NEMP2: variants seen among roughly 807,000 people sequenced by gnomAD.
NEMP2 encodes the protein nuclear envelope integral membrane protein 2, also known as UPF0571 transmembrane protein.
A neutral mutation model predicts 54.2 loss-of-function variants in NEMP2; 53 were observed. The ratio of observed to expected loss-of-function variants is 0.98; its 90% CI spans 0.78 to 1.23. NEMP2 has a LOEUF of 1.23. Ranked by LOEUF, NEMP2 falls within the 50% of genes most tolerant of loss-of-function variation. NEMP2 has a pLI of 0.00. For synonymous variants in NEMP2, 197 were observed against 190.3 expected (o/e 1.04, Z -0.29); for missense variants, 455 against 511.3 (o/e 0.89, Z 1.06).
At chr2:190,587,173 C>T in the NEMP2 span, among the ~76,000 whole-genome samples, 2 of 152,326 alleles carry the variant, frequency 1.3e-5, no homozygotes, top group South Asian at 2.1e-4. The surrounding 1 kb of genome is among the most constrained non-coding windows in gnomAD (Gnocchi z 5.4). Context: ...GTGAGCAAAG[C>T]ACCAACTTGC....
chr2:190,616,127 A>G, the NEMP2 span, among the ~76,000 whole-genome samples: 4 of 152,226 alleles, frequency 2.6e-5, no homozygotes, highest in African/African-American at 9.6e-5. This position sits in a 1 kb window ranked among gnomAD's most constrained non-coding sequence, Gnocchi z 5.1. Flanking sequence ...ACCTGAGACA[A>G]TGAGCAGCAG....
At chr2:190,555,602 C>T in the NEMP2 span, among the ~76,000 whole-genome samples, 16 of 151,374 alleles carry the variant, frequency 1.1e-4, no homozygotes, top group Admixed American at 3.9e-4. The surrounding 1 kb of genome is among the most constrained non-coding windows in gnomAD (Gnocchi z 4.8). Context: ...TGAAATAAAG[C>T]GAGAAGACAT....
the NEMP2 span, among the ~76,000 whole-genome samples, chr2:190,554,262 T>G: frequency 2.0e-5 from 3 of 151,968 alleles, no homozygotes; most frequent in Non-Finnish European, 4.4e-5. This position sits in a 1 kb window ranked among gnomAD's most constrained non-coding sequence, Gnocchi z 5.7. Context: ...CCGCAGGAGT[T>G]TTTTTTTCAT....
chr2:190,588,479 G>A, the NEMP2 span, among the ~76,000 whole-genome samples: 1 of 152,098 alleles, frequency 6.6e-6, no homozygotes, highest in Non-Finnish European at 1.5e-5. The surrounding 1 kb of genome is among the most constrained non-coding windows in gnomAD (Gnocchi z 5.0). Flanking sequence ...GGGGAATCTT[G>A]GAGAGAGAAT....
chr2:190,431,414 C>T, the NEMP2 span, among the ~76,000 whole-genome samples: 2 of 152,244 alleles, frequency 1.3e-5, no homozygotes, highest in Admixed American at 1.3e-4. The surrounding 1 kb of genome is among the most constrained non-coding windows in gnomAD (Gnocchi z 4.4). Flanking sequence ...GCCTGGGCAC[C>T]ATTGATCACT....
At chr2:190,481,357 T>A in the NEMP2 span, among the ~76,000 whole-genome samples, 1 of 152,252 alleles carries the variant, frequency 6.6e-6, no homozygotes, top group African/African-American at 2.4e-5. Flanking sequence ...TTTTATTTCC[T>A]CTGTCCACTT....
At chr2:190,448,329 C>T in the NEMP2 span, among the ~76,000 whole-genome samples, 1 of 152,192 alleles carries the variant, frequency 6.6e-6, no homozygotes, top group Non-Finnish European at 1.5e-5. Context: ...TGGAGAAACT[C>T]ATACACATGC....
chr2:190,436,692 C>T, the NEMP2 span: 1 of 1,614,232 alleles, frequency 6.2e-7, no homozygotes. This position sits in a 1 kb window ranked among gnomAD's most constrained non-coding sequence, Gnocchi z 5.3. Context: ...CAAACATGAA[C>T]AGTGAACCCA....
the NEMP2 span, among the ~76,000 whole-genome samples, chr2:190,441,287 T>C: frequency 6.6e-4 from 101 of 152,116 alleles, 2 homozygotes; most frequent in East Asian, 0.011. Context: ...GGTTCTCAAC[T>C]CACCAAGAGA....
chr2:190,591,759 T>C, the NEMP2 span, among the ~76,000 whole-genome samples: 1 of 152,182 alleles, frequency 6.6e-6, no homozygotes, highest in Non-Finnish European at 1.5e-5. This position sits in a 1 kb window ranked among gnomAD's most constrained non-coding sequence, Gnocchi z 5.4. Flanking sequence ...AAAATTGCCA[T>C]GGCCAGCAGG....
At chr2:190,503,312 C>T (rs549193802), downstream of NEMP2, among the ~76,000 whole-genome samples, 30 of 152,292 alleles carry the variant, frequency 2.0e-4, 1 homozygote, top group South Asian at 4.4e-3. This position sits in a 1 kb window ranked among gnomAD's most constrained non-coding sequence, Gnocchi z 6.3. Context: ...CTGTACTGTC[C>T]GGTAGGACTT....
the NEMP2 span, among the ~76,000 whole-genome samples, chr2:190,552,398 C>T: frequency 1.4e-4 from 22 of 152,134 alleles, no homozygotes; most frequent in African/African-American, 5.1e-4. Flanking sequence ...TATACTGCTG[C>T]CACTGTCATC....
rs1224335284 is a variant in NEMP2, at chr2:190,510,798, G to A, written c.954-261C>T. 4.0e-5 allele frequency among the ~76,000 whole-genome samples: 6 copies of A among 151,428 alleles called. No homozygotes were observed. Among genetic ancestry groups the A allele is most frequent in the South Asian group, 2.1e-4 (1 of 4,790 alleles). On this transcript the variant is annotated intron_variant, in intron 7 of 8. Coordinates refer to ENST00000409150, the MANE Select transcript of NEMP2 (RefSeq NM_001142645.2). This position sits in a 1 kb window ranked among gnomAD's most constrained non-coding sequence, Gnocchi z 5.7. ...TGGGAGGCTGAGGCAGGAGAATGGC[G>A]TGAACCTGGGAGGCAGAGGTTGCAG... is the stretch of plus-strand genomic sequence containing the variant.
At chr2:190,621,547 T>G in the NEMP2 span, among the ~76,000 whole-genome samples, 1 of 151,958 alleles carries the variant, frequency 6.6e-6, no homozygotes, top group Non-Finnish European at 1.5e-5. Context: ...CTCCCCAAAT[T>G]GACCTATATA....
At chr2:190,489,733 G>A in the NEMP2 span, 1 of 1,577,488 alleles carries the variant, frequency 6.3e-7, no homozygotes, top group Admixed American at 1.7e-5. The surrounding 1 kb of genome is among the most constrained non-coding windows in gnomAD (Gnocchi z 6.6). Flanking sequence ...TGCATTTCTT[G>A]GAATTACTCT....
chr2:190,552,913 G>T, the NEMP2 span, among the ~76,000 whole-genome samples: 3 of 151,964 alleles, frequency 2.0e-5, no homozygotes, highest in Non-Finnish European at 2.9e-5. Context: ...TGCTGGTATG[G>T]TTAAAGAGAG....
rs4641969 is a variant in NEMP2 at position 190,531,530 on chromosome 2, T to C, written c.97+3029A>G. On this transcript the variant is annotated intron_variant, in intron 1 of 8. Coordinates refer to ENST00000409150, the MANE Select transcript of NEMP2 (RefSeq NM_001142645.2). This position sits in a 1 kb window ranked among gnomAD's most constrained non-coding sequence, Gnocchi z 4.7. ...TAGTTGTGCCCAAATTTCTAAGATG[T>C]TACAGGAGGCATTAATTATTTACAT... Among the ~76,000 whole-genome samples, 107,697 of 152,160 alleles carry C rather than the reference T, an allele frequency of 0.71. 39,300 individuals are homozygous for C. The highest frequency in any genetic ancestry group is 0.79 in the Admixed American group (12,078 of 15,298).
At chr2:190,482,058 TAGG>T in the NEMP2 span, among the ~76,000 whole-genome samples, 46,855 of 151,784 alleles carry the variant, frequency 0.31, 7,944 homozygotes, top group Admixed American at 0.47. Context: ...GCAGAAATGA[TAGG>T]AGGAAAGGAT....
chr2:190,492,245 C>G, the NEMP2 span, among the ~76,000 whole-genome samples: 1 of 152,080 alleles, frequency 6.6e-6, no homozygotes, highest in South Asian at 2.1e-4. This position sits in a 1 kb window ranked among gnomAD's most constrained non-coding sequence, Gnocchi z 5.2. Context: ...ATGAAATAAT[C>G]AAGGAAAACT....
Sources: allele counts gnomAD v4.1 joint callset (sites outside exome capture counted in the v4.1 genomes callset), GRCh38; gene constraint gnomAD v4.1.1; non-coding constraint Gnocchi (gnomAD v3.1); transcripts MANE v1.5; gene names NCBI Gene and HGNC (gene_info 2026-07-23, HGNC 2026-07-21).